PUM1: variants seen among roughly 807,000 people sequenced by gnomAD.
PUM1 encodes the protein pumilio RNA binding family member 1.
Under a neutral mutation model 131.8 loss-of-function variants are expected in PUM1, and 13 were observed. The ratio of observed to expected loss-of-function variants is 0.10; its 90% confidence interval spans 0.06 to 0.16. The LOEUF (loss-of-function observed/expected upper bound fraction) is 0.16, where lower values mean the gene tolerates loss of function less well. Ranked by LOEUF, PUM1 falls within the 10% of genes least tolerant of loss-of-function variation. PUM1 has a pLI of 1.00. For synonymous variants in PUM1, 509 were observed against 556.5 expected (o/e 0.91, Z 1.20); for missense variants, 961 against 1,512.4 (o/e 0.64, Z 6.05).
intron 10 of PUM1, among the ~76,000 whole-genome samples, chr1:30,969,033 G>C (rs559809119): frequency 2.0e-5 from 3 of 152,280 alleles, no homozygotes; most frequent in African/African-American, 7.2e-5. Flanking sequence ...GCCAGGCGTG[G>C]TGGCTCACGC....
intron 6 of PUM1, among the ~76,000 whole-genome samples, chr1:30,994,627 T>C (rs1241772792): frequency 6.6e-6 from 1 of 152,172 alleles, no homozygotes; most frequent in African/African-American, 2.4e-5. Flanking sequence ...AATGAGATAA[T>C]GCACAAGTTC....
intron 15 of PUM1, among the ~76,000 whole-genome samples, chr1:30,953,226 A>G (rs1640022018): frequency 6.6e-6 from 1 of 152,230 alleles, no homozygotes; most frequent in South Asian, 2.1e-4. Context: ...AGAAAGAAAC[A>G]GAAACAGAAA....
intron 21 of PUM1, among the ~76,000 whole-genome samples, 197 bp from the exon 22 acceptor site, chr1:30,933,539 T>C (rs1169961905): frequency 6.6e-6 from 1 of 150,400 alleles, no homozygotes; most frequent in Non-Finnish European, 1.5e-5. Flanking sequence ...TTCTAGCACT[T>C]TGGCAACCCA....
chr1:30,942,189 G>GC (rs1553143886), intron 18 of PUM1, 66 bp from the exon 19 acceptor site: 1 of 148,942 alleles, frequency 6.7e-6, no homozygotes, highest in Non-Finnish European at 1.2e-5. Flanking sequence ...CTTCAGTATT[G>GC]TTTATATATA....
chr1:31,026,257 TAA>T (rs903944103), intron 3 of PUM1, among the ~76,000 whole-genome samples: 16 of 139,870 alleles, frequency 1.1e-4, no homozygotes, highest in Admixed American at 2.2e-4. Context: ...CTCAGTCTCT[TAA>T]AAAAAAAAAA....
chr1:30,959,410 T>C (rs542602375), intron 14 of PUM1, among the ~76,000 whole-genome samples: 7 of 152,318 alleles, frequency 4.6e-5, no homozygotes, highest in Admixed American at 1.3e-4. Flanking sequence ...CAAAGTAAGA[T>C]GTATATCTGG....
At chr1:30,992,337 C>T in intron 7 of PUM1, 53 bp downstream of exon 7, 1 of 1,576,150 alleles carries the variant, frequency 6.3e-7, no homozygotes, top group African/African-American at 1.4e-5. Context: ...ATTACTTGAA[C>T]AACGTGCTGG....
intron 5 of PUM1, among the ~76,000 whole-genome samples, chr1:30,998,496 T>C (rs897434941): frequency 2.0e-5 from 3 of 151,956 alleles, no homozygotes; most frequent in African/African-American, 7.3e-5. Context: ...TTAAAAAAAT[T>C]AGCTGGGCAA....
At chr1:30,967,530 T>C (rs1640672763) in intron 11 of PUM1, among the ~76,000 whole-genome samples, 2 of 152,284 alleles carry the variant, frequency 1.3e-5, no homozygotes, top group South Asian at 4.1e-4. Flanking sequence ...ACAAATATCC[T>C]GCAAAATAGC....
chr1:31,049,821 T>C (rs1644063431), intron 2 of PUM1, among the ~76,000 whole-genome samples: 1 of 135,342 alleles, frequency 7.4e-6, no homozygotes, highest in African/African-American at 2.8e-5. Flanking sequence ...TGACTGAACT[T>C]CCTTTTTTTT....
chr1:31,019,265 T>G (rs780305329), intron 3 of PUM1, among the ~76,000 whole-genome samples: 3 of 152,174 alleles, frequency 2.0e-5, no homozygotes, highest in Non-Finnish European at 4.4e-5. Context: ...GGCACGAGAA[T>G]CACTTAAACC....
At chr1:31,000,093 T>C (rs1642151550) in intron 5 of PUM1, among the ~76,000 whole-genome samples, 1 of 152,210 alleles carries the variant, frequency 6.6e-6, no homozygotes, top group Non-Finnish European at 1.5e-5. Flanking sequence ...CTGCAAATGT[T>C]GTGAAAAGCT....
intron 3 of PUM1, among the ~76,000 whole-genome samples, chr1:31,017,513 A>AT (rs1168481024): frequency 1.3e-5 from 2 of 151,484 alleles, no homozygotes; most frequent in Admixed American, 6.6e-5. Flanking sequence ...TTATTTTGCG[A>AT]TTTTTTTCTT....
intron 10 of PUM1, 28 bp downstream of exon 10, chr1:30,974,623 A>G (rs777922101): frequency 1.3e-6 from 2 of 1,575,034 alleles, no homozygotes; most frequent in Non-Finnish European, 8.6e-7. Context: ...ATTCCCACTT[A>G]GAAGAGGTAA....
rs139345565 is a variant in PUM1, at chr1:30,952,282, T to C, written c.2673A>G (p.Gln891=). ...VFNEILQAAY[Q]LMVDVFGNYV... Reference sequence around the variant, plus strand: ...AATTACCAAACACATCCACCATGAGTTGGTAGGCAGCCTGGAGGATTTCAT... The same window carrying C: ...AATTACCAAACACATCCACCATGAGCTGGTAGGCAGCCTGGAGGATTTCAT... Residue 891 remains glutamine, a synonymous_variant, in exon 16 of 22, where the codon CAA becomes CAG. Transcript: ENST00000426105. 8.7e-6 allele frequency: 14 copies of C among 1,613,790 alleles called. No homozygotes were observed. Among genetic ancestry groups the C allele is most frequent in the African/African-American group, 2.7e-5 (2 of 74,866 alleles).
At chr1:30,935,142 C>T (rs1314283085) in intron 21 of PUM1, among the ~76,000 whole-genome samples, 1 of 152,224 alleles carries the variant, frequency 6.6e-6, no homozygotes, top group African/African-American at 2.4e-5. Flanking sequence ...CTCTAAACTA[C>T]AAAGGCCACA....
At chr1:30,966,465 A>T (rs190883481) in intron 12 of PUM1, 187 bp from the exon 13 acceptor site, 59 of 582,030 alleles carry the variant, frequency 1.0e-4, no homozygotes, top group Non-Finnish European at 1.6e-4. Context: ...TTCAATTTGA[A>T]CTCAAAATAC....
Position 30,941,240 on chromosome 1 carries a change from T to C in PUM1, c.3153A>G (p.Val1051=), listed in dbSNP as rs147914703. The change falls in exon 20 of 22, where the codon GTA becomes GTG. Residue 1051 remains valine, a synonymous_variant. Coordinates refer to ENST00000426105, the MANE Select transcript of PUM1 (RefSeq NM_001020658.2). The part of the protein sequence containing the change: ...DQYGNYVIQH[V]LEHGRPEDKS... The stretch of plus-strand genomic sequence containing the variant: ...TATCCTCAGGACGACCGTGCTCCAG[T>C]ACATGTTGGATTACATAATTTCCAT... 3.1e-6 allele frequency: 5 copies of C among 1,612,168 alleles called. No individual in the cohort carries two copies. In the African/African-American group the frequency reaches 5.3e-5, roughly 17 times the overall value.
intron 17 of PUM1, among the ~76,000 whole-genome samples, chr1:30,948,366 G>A (rs1029670347): frequency 6.6e-6 from 1 of 152,062 alleles, no homozygotes; most frequent in East Asian, 1.9e-4. Flanking sequence ...TGCATCTAGA[G>A]AAGAGTAAAA....
Sources: allele counts gnomAD v4.1 joint callset (sites outside exome capture counted in the v4.1 genomes callset), GRCh38; gene constraint gnomAD v4.1.1; transcripts MANE v1.5; gene names NCBI Gene and HGNC (gene_info 2026-07-23, HGNC 2026-07-21).